The following MAPK4 variants were observed in gnomAD, a reference collection of about 807,000 sequenced individuals.
MAPK4 encodes the protein Erk3-related.
Under a neutral mutation model 47.7 loss-of-function variants are expected in MAPK4, and 22 were observed. That is an observed-to-expected ratio of 0.46 (90% CI 0.33 to 0.66). The LOEUF (loss-of-function observed/expected upper bound fraction) is 0.66, where lower values mean the gene tolerates loss of function less well. Ranked by LOEUF, MAPK4 falls within the 30% of genes least tolerant of loss-of-function variation. The pLI is 0.02. For missense variants in MAPK4, 736 were observed against 831.7 expected (o/e 0.88, Z 1.42); for synonymous variants, 390 against 365.7 (o/e 1.07, Z -0.76).
chr18:50,665,611 C>T (rs369185907), intron 2 of MAPK4, among the ~76,000 whole-genome samples: 24 of 152,306 alleles, frequency 1.6e-4, no homozygotes, highest in African/African-American at 5.5e-4. Flanking sequence ...CATAGAAGGG[C>T]ACTGATCTGC....
At chr18:50,603,462 C>T (rs1360721472) in intron 1 of MAPK4, among the ~76,000 whole-genome samples, 1 of 152,158 alleles carries the variant, frequency 6.6e-6, no homozygotes, top group Non-Finnish European at 1.5e-5. Flanking sequence ...CCTAAACTCT[C>T]CTATGTCTAC....
chr18:50,677,935 A>G (rs1908370410), intron 2 of MAPK4, among the ~76,000 whole-genome samples: 1 of 152,128 alleles, frequency 6.6e-6, no homozygotes, highest in Admixed American at 6.5e-5. Context: ...ACTTCTGGAC[A>G]GGCTGGTGGG....
At chr18:50,719,183 C>G (rs558293258) in intron 3 of MAPK4, among the ~76,000 whole-genome samples, 1 of 151,856 alleles carries the variant, frequency 6.6e-6, no homozygotes, top group African/African-American at 2.4e-5. Context: ...TGAGTACAAA[C>G]GTCTTCATTT....
chr18:50,628,096 G>C (rs978244301), intron 1 of MAPK4, among the ~76,000 whole-genome samples: 10 of 152,210 alleles, frequency 6.6e-5, no homozygotes, highest in African/African-American at 1.9e-4. Context: ...GGGCTGGGGA[G>C]GGGGAAGGCC....
intron 4 of MAPK4, among the ~76,000 whole-genome samples, chr18:50,723,687 A>T (rs186581413): frequency 2.0e-5 from 3 of 152,102 alleles, no homozygotes; most frequent in African/African-American, 4.8e-5. Context: ...ACATAGGGAG[A>T]CCCCATCTCC....
intron 1 of MAPK4, among the ~76,000 whole-genome samples, chr18:50,653,266 C>G (rs1411545163): frequency 2.6e-5 from 4 of 151,534 alleles, no homozygotes; most frequent in African/African-American, 9.7e-5. Context: ...GTTTTCCTGA[C>G]AAAAGGAACA....
At chr18:50,636,637 G>A (rs2042891455) in intron 1 of MAPK4, among the ~76,000 whole-genome samples, 1 of 152,154 alleles carries the variant, frequency 6.6e-6, no homozygotes, top group Non-Finnish European at 1.5e-5. Flanking sequence ...ACCTCCTGAA[G>A]ATCTATTAAT....
intron 1 of MAPK4, among the ~76,000 whole-genome samples, chr18:50,582,803 C>G (rs2042357660): frequency 6.6e-6 from 1 of 152,238 alleles, no homozygotes; most frequent in Admixed American, 6.5e-5. Context: ...GCACCAGTGT[C>G]TAGATGAGGG....
intron 1 of MAPK4, among the ~76,000 whole-genome samples, chr18:50,580,893 C>T (rs1230248927): frequency 6.6e-6 from 1 of 152,222 alleles, no homozygotes; most frequent in East Asian, 1.9e-4. Context: ...CAGGTAGTAG[C>T]TGGATGATAT....
chr18:50,723,066 A>T (rs916515602), intron 4 of MAPK4, among the ~76,000 whole-genome samples: 6 of 152,224 alleles, frequency 3.9e-5, no homozygotes, highest in Non-Finnish European at 7.3e-5. Flanking sequence ...CTTGTACAGT[A>T]GCAGATAACC....
chr18:50,724,197 A>G (rs781432729), intron 4 of MAPK4, among the ~76,000 whole-genome samples: 19 of 152,170 alleles, frequency 1.2e-4, no homozygotes, highest in Middle Eastern at 3.4e-3. Context: ...TTTTTTTTGT[A>G]GAGACAACCC....
chr18:50,716,181 C>T (rs1910626182), intron 3 of MAPK4, among the ~76,000 whole-genome samples: 2 of 152,168 alleles, frequency 1.3e-5, no homozygotes, highest in African/African-American at 4.8e-5. Flanking sequence ...CTCTTCCATT[C>T]TCTCCTCACT....
In MAPK4 at chr18:50,721,809, C is replaced by G. The variant is rs1322957213; in HGVS notation, c.692-129C>G. 3.7e-5 allele frequency: 30 copies of G among 813,970 alleles called. No individual in the cohort carries two copies. The South Asian group carries it at 5.0e-4, about 14-fold the overall frequency. 50.4% of individuals were successfully genotyped at this position (813,970 alleles called of 1,614,324 possible). On this transcript the variant is annotated intron_variant, in intron 3 of 5. Transcript: ENST00000400384. ...TGAGCAGCAAATGAAGACCAGAACC[C>G]CGGTCCCAGCCCAGTGCTGCCCCAC...
chr18:50,687,439 GC>G (rs1424433126), intron 2 of MAPK4, among the ~76,000 whole-genome samples: 2 of 152,192 alleles, frequency 1.3e-5, no homozygotes, highest in Non-Finnish European at 2.9e-5. Context: ...ATCCTTGGGG[GC>G]CCAAATTGCC....
rs2042664126 is a variant in MAPK4, at chr18:50,614,208, C to A, written c.-870-48881C>A. ...TTTCTTGCCTTCATTTCAGAATAAT[C>A]CTTAATTAATGTTGCTTTATATAAC... On this transcript the variant is annotated intron_variant, in intron 1 of 5. Coordinates refer to ENST00000400384, the MANE Select transcript of MAPK4 (RefSeq NM_002747.4). Among the ~76,000 whole-genome samples, 5 of 151,952 alleles carry A rather than the reference C, an allele frequency of 3.3e-5. No individual in the cohort carries two copies. In the South Asian group the frequency reaches 1.0e-3, roughly 32 times the overall value.
At chr18:50,613,982 A>G (rs1347342975) in intron 1 of MAPK4, among the ~76,000 whole-genome samples, 2 of 152,218 alleles carry the variant, frequency 1.3e-5, no homozygotes, top group East Asian at 1.9e-4. Flanking sequence ...GCTGTTTAAT[A>G]TATTCTATTC....
intron 5 of MAPK4, among the ~76,000 whole-genome samples, 175 bp from the exon 6 acceptor site, chr18:50,728,983 A>G (rs1432106720): frequency 6.6e-6 from 1 of 152,246 alleles, no homozygotes; most frequent in African/African-American, 2.4e-5. Context: ...CGAACAATCC[A>G]TGTCCCCAGC....
At chr18:50,627,884 C>G (rs1301723611) in intron 1 of MAPK4, among the ~76,000 whole-genome samples, 2 of 152,192 alleles carry the variant, frequency 1.3e-5, no homozygotes, top group African/African-American at 4.8e-5. Flanking sequence ...GCAGCATTCT[C>G]CCTGATGTCT....
At chr18:50,627,027 A>C in intron 1 of MAPK4, among the ~76,000 whole-genome samples, 1 of 149,086 alleles carries the variant, frequency 6.7e-6, no homozygotes, top group Non-Finnish European at 1.5e-5. Context: ...CCAGCTTGGC[A>C]TTTTTGTCCC....
Sources: allele counts gnomAD v4.1 joint callset (sites outside exome capture counted in the v4.1 genomes callset), GRCh38; gene constraint gnomAD v4.1.1; transcripts MANE v1.5; gene names NCBI Gene and HGNC (gene_info 2026-07-23, HGNC 2026-07-21).